ROBO2: variants seen among roughly 807,000 people sequenced by gnomAD.
The protein encoded by ROBO2 is roundabout homolog 2.
Under a neutral mutation model 160.8 loss-of-function variants are expected in ROBO2, and 53 were observed. That is an observed-to-expected ratio of 0.33 (90% CI 0.26 to 0.41). The LOEUF (loss-of-function observed/expected upper bound fraction) is 0.41, where lower values mean the gene tolerates loss of function less well. Ranked by LOEUF, ROBO2 falls within the 10% of genes least tolerant of loss-of-function variation. The pLI is 1.00. For synonymous variants in ROBO2, 664 were observed against 611.7 expected (o/e 1.09, Z -1.26); for missense variants, 1,577 against 1,722.4 (o/e 0.92, Z 1.49).
At chr3:76,328,343 C>T (rs1475233476) in intron 2 of ROBO2, among the ~76,000 whole-genome samples, 1 of 152,198 alleles carries the variant, frequency 6.6e-6, no homozygotes, top group Non-Finnish European at 1.5e-5. Context: ...ATTGTGGTAA[C>T]TAGGTAATTT....
chr3:77,590,106 T>C (rs1291668640), intron 17 of ROBO2, among the ~76,000 whole-genome samples: 1 of 152,184 alleles, frequency 6.6e-6, no homozygotes, highest in Non-Finnish European at 1.5e-5. Context: ...GATGCATTTA[T>C]ATGTTTATGA....
intron 2 of ROBO2, among the ~76,000 whole-genome samples, chr3:76,814,314 T>C (rs1469061655): frequency 6.6e-6 from 1 of 152,090 alleles, no homozygotes; most frequent in African/African-American, 2.4e-5. Context: ...ATGGCAGAGG[T>C]AAGTGAATGA....
At chr3:77,151,757 T>A (rs186200250) in intron 2 of ROBO2, among the ~76,000 whole-genome samples, 1 of 152,338 alleles carries the variant, frequency 6.6e-6, no homozygotes, top group Non-Finnish European at 1.5e-5. Context: ...TTTTCTCCTA[T>A]GTCTTGCATT....
chr3:76,938,193 T>C (rs2077856536), intron 2 of ROBO2, among the ~76,000 whole-genome samples: 1 of 152,138 alleles, frequency 6.6e-6, no homozygotes, highest in African/African-American at 2.4e-5. Context: ...CCGTCTCTAC[T>C]GAAAATACAA....
intron 2 of ROBO2, among the ~76,000 whole-genome samples, chr3:77,214,172 A>G (rs1161358429): frequency 1.3e-5 from 2 of 152,154 alleles, no homozygotes; most frequent in African/African-American, 4.8e-5. Context: ...TAATGTTGAC[A>G]GTGGGGTGTT....
intron 2 of ROBO2, among the ~76,000 whole-genome samples, chr3:76,045,928 G>C (rs1559863764): frequency 6.6e-6 from 1 of 151,456 alleles, no homozygotes; most frequent in African/African-American, 2.4e-5. Flanking sequence ...CTGCCAGTAT[G>C]CTTTATGGAA....
chr3:77,250,624 C>T (rs2090229663), intron 2 of ROBO2, among the ~76,000 whole-genome samples: 2 of 152,152 alleles, frequency 1.3e-5, no homozygotes, highest in Admixed American at 6.5e-5. Context: ...TTTGCTAAAG[C>T]AGAATACCTG....
chr3:76,448,161 G>A (rs1183504783), intron 2 of ROBO2, among the ~76,000 whole-genome samples: 4 of 151,860 alleles, frequency 2.6e-5, no homozygotes, highest in Non-Finnish European at 1.5e-5. Context: ...AGCTGAAAAG[G>A]TTTTGAAAGA....
intron 2 of ROBO2, among the ~76,000 whole-genome samples, chr3:76,145,407 A>G (rs1040558872): frequency 1.3e-5 from 2 of 152,014 alleles, no homozygotes; most frequent in Non-Finnish European, 2.9e-5. Context: ...CCACTGACAT[A>G]TTTTCCAGAT....
At chr3:76,677,201 C>T (rs116340314) in intron 2 of ROBO2, among the ~76,000 whole-genome samples, 1,709 of 152,026 alleles carry the variant, frequency 0.011, 14 homozygotes, top group Non-Finnish European at 0.018. Context: ...CTAGACCTCT[C>T]ATCTTCTCTT....
intron 2 of ROBO2, among the ~76,000 whole-genome samples, chr3:76,390,760 T>C (rs975660192): frequency 3.3e-5 from 5 of 152,180 alleles, no homozygotes; most frequent in Non-Finnish European, 7.4e-5. Flanking sequence ...TTTGAGAAAA[T>C]GTTGGTCTTG....
intron 2 of ROBO2, among the ~76,000 whole-genome samples, chr3:76,482,792 A>G (rs76834040): frequency 0.012 from 1,761 of 152,228 alleles, 26 homozygotes; most frequent in African/African-American, 0.036. Flanking sequence ...TGCTTTAATC[A>G]GCGTAGTGCC....
intron 2 of ROBO2, among the ~76,000 whole-genome samples, chr3:76,003,606 A>G (rs576772770): frequency 6.6e-6 from 1 of 152,372 alleles, no homozygotes; most frequent in East Asian, 1.9e-4. Flanking sequence ...TTTCATGTGT[A>G]TGAGCTCCAC....
chr3:76,796,146 A>G lies in ROBO2; in HGVS notation c.110-301868A>G, dbSNP rs75809178. ...AAATTGTCAGTGAGCATTGGCTTCA[A>G]CTTCAAATCACCAGGGCACCAGCTG... is the stretch of plus-strand genomic sequence containing the variant. On this transcript the variant is annotated intron_variant, in intron 2 of 26. Coordinates refer to the ROBO2 transcript ENST00000487694. 7.3e-4 allele frequency among the ~76,000 whole-genome samples: 111 copies of G among 152,192 alleles called. No homozygotes were observed. In the East Asian group the frequency reaches 0.015, roughly 21 times the overall value.
At chr3:77,572,660 C>G (rs2093666542) in intron 13 of ROBO2, among the ~76,000 whole-genome samples, 1 of 151,698 alleles carries the variant, frequency 6.6e-6, no homozygotes, top group Non-Finnish European at 1.5e-5. Flanking sequence ...CACACACACA[C>G]ACACACACTC....
In ROBO2 at chr3:76,462,947, A is replaced by C. The variant is rs956299468; in HGVS notation, c.109+525345A>C. Among the ~76,000 whole-genome samples the C allele has an allele frequency of 1.3e-5, 2 of 152,150 alleles. 1 individual carries two copies. The highest frequency in any genetic ancestry group is 4.8e-5 in the African/African-American group (2 of 41,450). On this transcript the variant is annotated intron_variant, in intron 2 of 26. Transcript: ENST00000487694. Reference sequence around the variant, plus strand: ...CTAGCTTAAGTAAATTGGCTGATTCATGGTTGTTTACAGCCCTAGCATCCA... The same window carrying C: ...CTAGCTTAAGTAAATTGGCTGATTCCTGGTTGTTTACAGCCCTAGCATCCA...
chr3:76,187,515 C>A (rs1444221183), intron 2 of ROBO2, among the ~76,000 whole-genome samples: 7 of 152,062 alleles, frequency 4.6e-5, no homozygotes, highest in Non-Finnish European at 1.0e-4. Flanking sequence ...TACAAACCAT[C>A]CTCTTGCCTT....
chr3:76,340,982 G>A (rs1479899167), intron 2 of ROBO2, among the ~76,000 whole-genome samples: 1 of 152,086 alleles, frequency 6.6e-6, no homozygotes, highest in Non-Finnish European at 1.5e-5. Flanking sequence ...CATTTGTTTT[G>A]TGAATCTTGT....
intron 5 of ROBO2, among the ~76,000 whole-genome samples, chr3:77,515,807 C>T (rs1313143347): frequency 6.6e-6 from 1 of 151,546 alleles, no homozygotes; most frequent in Non-Finnish European, 1.5e-5. Context: ...CGGTCTAAAC[C>T]TTTGCTACCG....
Sources: gnomAD v4.1 joint callset for allele counts (sites outside exome capture counted in the v4.1 genomes callset) on GRCh38, gnomAD v4.1.1 for gene constraint, MANE v1.5 for transcripts, NCBI Gene and HGNC (gene_info 2026-07-23, HGNC 2026-07-21) for gene names.